Variants in RIT2 observed in about 807,000 individuals in gnomAD.
RIT2 encodes Ras like without CAAX 2.
In RIT2, 24 loss-of-function variants were observed where a neutral mutation model predicts 23.7. The ratio of observed to expected loss-of-function variants is 1.01; its 90% CI spans 0.73 to 1.43. The LOEUF (loss-of-function observed/expected upper bound fraction) is 1.43. RIT2 is among the 40% of genes most tolerant of loss of function. The pLI is 0.00. For missense variants in RIT2, 236 were observed against 266.9 expected, an observed-to-expected ratio of 0.88 and a Z score of 0.81; for synonymous variants, 107 against 91.1, an observed-to-expected ratio of 1.17 and a Z score of -0.99.
chr18:42,913,053 G>T (rs1908811838), intron 4 of RIT2, among the ~76,000 whole-genome samples: 1 of 151,844 alleles, frequency 6.6e-6, no homozygotes, highest in South Asian at 2.1e-4. Flanking sequence ...CAGAAAGACG[G>T]ATCAAAGGAA....
intron 4 of RIT2, among the ~76,000 whole-genome samples, chr18:42,843,340 T>C (rs1906819254): frequency 6.6e-6 from 1 of 152,238 alleles, no homozygotes; most frequent in African/African-American, 2.4e-5. Flanking sequence ...TCCAGCTGCC[T>C]CTAGGTATCT....
At position 42,908,136 on chromosome 18, in the gene RIT2, GA is replaced by G. The variant is rs546608108; in HGVS notation, c.426+15435del. 2.4e-3 allele frequency among the ~76,000 whole-genome samples: 331 copies of G among 140,156 alleles called. 2 individuals carry two copies. The highest frequency in any genetic ancestry group is 7.6e-3 in the African/African-American group (288 of 38,066). 91.9% of individuals were successfully genotyped at this position (140,156 alleles called of 152,430 possible). On this transcript the variant is annotated intron_variant, in intron 4 of 4. Transcript: ENST00000326695. ...ATGAAAAACAAAATAACCAAACAAA[GA>G]AAAAAAAAAGCAAAAATTTCACTGG...
intron 1 of RIT2, among the ~76,000 whole-genome samples, chr18:43,108,732 T>G (rs1913886534): frequency 2.6e-5 from 4 of 152,210 alleles, no homozygotes; most frequent in Admixed American, 2.6e-4. Context: ...AGATACCAAT[T>G]TACTCTTTTA....
intron 1 of RIT2, among the ~76,000 whole-genome samples, chr18:43,098,289 T>C (rs1913602456): frequency 6.6e-6 from 1 of 151,918 alleles, no homozygotes; most frequent in Admixed American, 6.6e-5. Context: ...TTTTCAAAAA[T>C]GGCAGAAACA....
chr18:43,063,654 A>G (rs1912704258), intron 1 of RIT2, among the ~76,000 whole-genome samples: 1 of 152,152 alleles, frequency 6.6e-6, no homozygotes, highest in Non-Finnish European at 1.5e-5. Context: ...TTTAGGGTAC[A>G]GATTTTTCTG....
At chr18:42,809,820 A>G (rs1395615592) in intron 4 of RIT2, among the ~76,000 whole-genome samples, 2 of 134,102 alleles carry the variant, frequency 1.5e-5, no homozygotes, top group Non-Finnish European at 3.4e-5. Flanking sequence ...TAACTTATAT[A>G]TATAATATAT....
At chr18:43,084,291 T>G (rs1224381990) in intron 1 of RIT2, among the ~76,000 whole-genome samples, 1 of 152,028 alleles carries the variant, frequency 6.6e-6, no homozygotes, top group Non-Finnish European at 1.5e-5. Flanking sequence ...TCAGTGGGAG[T>G]GTAAATTAGT....
At chr18:42,999,093 C>G (rs1423656038) in intron 2 of RIT2, among the ~76,000 whole-genome samples, 1 of 152,008 alleles carries the variant, frequency 6.6e-6, no homozygotes, top group Admixed American at 6.6e-5. Context: ...CCTTTCCCGT[C>G]TCGAAGAAAA....
At chr18:42,768,845 GC>G (rs1487211339) in intron 4 of RIT2, among the ~76,000 whole-genome samples, 1 of 152,032 alleles carries the variant, frequency 6.6e-6, no homozygotes, top group East Asian at 1.9e-4. Flanking sequence ...TGCCCTGAAG[GC>G]CTTCTCCCAC....
chr18:42,992,995 C>T (rs1910891378), intron 2 of RIT2, among the ~76,000 whole-genome samples: 1 of 152,172 alleles, frequency 6.6e-6, no homozygotes, highest in Non-Finnish European at 1.5e-5. Flanking sequence ...ATCAACCTTG[C>T]CTACAAAGTG....
chr18:42,796,691 C>G (rs779397392), intron 4 of RIT2, among the ~76,000 whole-genome samples: 20 of 152,332 alleles, frequency 1.3e-4, no homozygotes, highest in Non-Finnish European at 1.9e-4. Context: ...ATTGAGCCCA[C>G]TTCTATACTG....
Position 42,958,496 on chromosome 18 carries a change from G to A in RIT2, c.234+15578C>T, listed in dbSNP as rs531440845. 2.0e-5 allele frequency among the ~76,000 whole-genome samples: 3 copies of A among 152,126 alleles called. No individual in the cohort carries two copies. In the South Asian group the frequency reaches 6.2e-4, roughly 32 times the overall value. The stretch of plus-strand genomic sequence containing the variant: ...ATATGATAATACACTTCATACTAAT[G>A]GGACATAAACTAGGGGTGCTTTTGA... On this transcript the variant is annotated intron_variant, in intron 3 of 4. Transcript: ENST00000326695.
intron 1 of RIT2, among the ~76,000 whole-genome samples, chr18:43,101,055 GTA>G (rs532659924): frequency 1.9e-4 from 29 of 150,906 alleles, no homozygotes; most frequent in African/African-American, 3.4e-4. Flanking sequence ...GTATGTGTGT[GTA>G]TATATATATA....
At chr18:42,851,113 A>G (rs561435225) in intron 4 of RIT2, among the ~76,000 whole-genome samples, 1 of 152,340 alleles carries the variant, frequency 6.6e-6, no homozygotes, top group Non-Finnish European at 1.5e-5. Flanking sequence ...TAATCTTGTC[A>G]AATTGGTGCC....
At chr18:42,906,004 ATACATATATATATATATG>A (rs1338791457) in intron 4 of RIT2, among the ~76,000 whole-genome samples, 126 of 1,672 alleles carry the variant, frequency 0.075, no homozygotes, top group African/African-American at 0.23. Flanking sequence ...ATATATATAT[ATACATATATATATATATG>A]TATATATATA....
At chr18:43,030,139 A>G (rs1278929834) in intron 2 of RIT2, among the ~76,000 whole-genome samples, 1 of 152,096 alleles carries the variant, frequency 6.6e-6, no homozygotes, top group African/African-American at 2.4e-5. Flanking sequence ...TTAATTTGAC[A>G]GATAATTATC....
In RIT2 at chr18:42,956,016, G is replaced by A. The variant is rs550712920; in HGVS notation, c.234+18058C>T. 7.2e-5 allele frequency among the ~76,000 whole-genome samples: 11 copies of A among 152,138 alleles called. No homozygotes were observed. In the South Asian group the frequency reaches 1.7e-3, roughly 23 times the overall value. ...TAATGTTTTCAAGGTTTATCACCTCGGGGTGCTTAAAAGTTACCCTAGGTG... is the reference window on the plus strand; with the variant it reads ...TAATGTTTTCAAGGTTTATCACCTCAGGGTGCTTAAAAGTTACCCTAGGTG... On this transcript the variant is annotated intron_variant, in intron 3 of 4. Transcript: ENST00000326695.
intron 3 of RIT2, among the ~76,000 whole-genome samples, chr18:42,961,661 G>A (rs746691553): frequency 3.3e-5 from 5 of 152,156 alleles, no homozygotes; most frequent in Non-Finnish European, 5.9e-5. Flanking sequence ...CCCTATTAAT[G>A]AGTTGACTTC....
intron 3 of RIT2, among the ~76,000 whole-genome samples, chr18:42,939,246 ACT>A (rs1218928425): frequency 2.6e-5 from 4 of 151,930 alleles, no homozygotes; most frequent in Non-Finnish European, 4.4e-5. Flanking sequence ...TTGAAATCTG[ACT>A]CTGCCACTTC....
Sources: allele counts gnomAD v4.1 joint callset (sites outside exome capture counted in the v4.1 genomes callset), GRCh38; gene constraint gnomAD v4.1.1; transcripts MANE v1.5; gene names NCBI Gene and HGNC (gene_info 2026-07-23, HGNC 2026-07-21).